Variants in PRDM5 observed in about 807,000 individuals in gnomAD.
PRDM5 encodes the protein PR domain zinc finger protein 5.
Under a neutral mutation model 81.2 loss-of-function variants are expected in PRDM5, and 56 were observed. That is an observed-to-expected ratio of 0.69 (90% CI 0.56 to 0.86). The LOEUF is 0.86. PRDM5 is among the 40% of genes least tolerant of loss of function. The pLI, the probability that PRDM5 is intolerant of heterozygous loss-of-function variation, is 0.00. For missense variants in PRDM5, 697 were observed against 770.1 expected, an observed-to-expected ratio of 0.91 and a Z score of 1.12; for synonymous variants, 267 against 256.4, an observed-to-expected ratio of 1.04 and a Z score of -0.39.
intron 14 of PRDM5, among the ~76,000 whole-genome samples, chr4:120,728,450 C>CAT (rs904988419): frequency 1.3e-5 from 2 of 151,830 alleles, no homozygotes; most frequent in African/African-American, 4.8e-5. Context: ...TGTATATATA[C>CAT]ATATATATAT....
intron 2 of PRDM5, among the ~76,000 whole-genome samples, chr4:120,882,368 G>A (rs1344381577): frequency 2.0e-5 from 3 of 152,184 alleles, no homozygotes; most frequent in South Asian, 2.1e-4. Flanking sequence ...GGCTGGTTTC[G>A]AACTCCTGAC....
At chr4:120,870,639 G>A (rs897654128) in intron 2 of PRDM5, among the ~76,000 whole-genome samples, 1 of 152,198 alleles carries the variant, frequency 6.6e-6, no homozygotes, top group Non-Finnish European at 1.5e-5. Context: ...AAAGGCACAT[G>A]TGTGAGTGTG....
intron 14 of PRDM5, among the ~76,000 whole-genome samples, chr4:120,748,334 G>C (rs1743451438): frequency 6.6e-6 from 1 of 152,150 alleles, no homozygotes; most frequent in Non-Finnish European, 1.5e-5. Context: ...TTGGTTTAAA[G>C]CTACAATGTG....
chr4:120,815,330 G>A (rs1174471693), intron 7 of PRDM5, among the ~76,000 whole-genome samples: 1 of 152,132 alleles, frequency 6.6e-6, no homozygotes, highest in African/African-American at 2.4e-5. Flanking sequence ...TTCTTCAAAA[G>A]GAAAGAAAGA....
chr4:120,789,637 G>C (rs1392913641), intron 10 of PRDM5, among the ~76,000 whole-genome samples: 1 of 152,060 alleles, frequency 6.6e-6, no homozygotes, highest in Non-Finnish European at 1.5e-5. Flanking sequence ...ATCCCAGTGG[G>C]CCACACAATA....
At position 120,798,244 on chromosome 4, in the gene PRDM5, ATAATAATAT is replaced by A. The variant is rs1457614547; in HGVS notation, c.1188+14_1188+22del. On this transcript the variant is annotated intron_variant, in intron 10 of 15. Transcript: ENST00000264808. ...CACAGCAGCAAATTCATAAAAAATA[ATAATAATAT>A]TAATAAGTTTTACCTTCTTATGATT... The A allele has an allele frequency of 3.8e-5, 56 of 1,458,108 alleles. No individual in the cohort carries two copies. Among genetic ancestry groups the A allele is most frequent in the Non-Finnish European group, 5.0e-5 (54 of 1,088,540 alleles). 90.3% of individuals were successfully genotyped at this position (1,458,108 alleles called of 1,614,324 possible).
intron 14 of PRDM5, among the ~76,000 whole-genome samples, chr4:120,746,010 T>C (rs1457129221): frequency 3.1e-4 from 47 of 149,324 alleles, no homozygotes; most frequent in East Asian, 1.8e-3. Context: ...GCTGGAGGCA[T>C]CACACTACCT....
intron 15 of PRDM5, among the ~76,000 whole-genome samples, chr4:120,698,796 T>A (rs1172322931): frequency 6.6e-6 from 1 of 152,038 alleles, no homozygotes; most frequent in Non-Finnish European, 1.5e-5. Flanking sequence ...ATTACAAAGT[T>A]CCACCGGTTC....
At chr4:120,716,492 C>T (rs11732180) in intron 14 of PRDM5, among the ~76,000 whole-genome samples, 33,313 of 152,130 alleles carry the variant, frequency 0.22, 3,901 homozygotes, top group Non-Finnish European at 0.28. Flanking sequence ...CACGAGCATA[C>T]TTCTATGTTA....
intron 3 of PRDM5, among the ~76,000 whole-genome samples, chr4:120,845,039 T>C (rs1384771899): frequency 6.6e-6 from 1 of 152,224 alleles, no homozygotes; most frequent in Non-Finnish European, 1.5e-5. Context: ...TATTCAATTC[T>C]GTGAAGGCTG....
At chr4:120,837,754 G>T (rs1050842932) in intron 3 of PRDM5, 2 of 152,196 alleles carry the variant, frequency 1.3e-5, no homozygotes, top group Non-Finnish European at 2.9e-5. Context: ...ACATTCTACT[G>T]CTTGGAGAAG....
intron 14 of PRDM5, among the ~76,000 whole-genome samples, chr4:120,713,715 C>G (rs945372988): frequency 6.6e-6 from 1 of 152,162 alleles, no homozygotes; most frequent in Non-Finnish European, 1.5e-5. Context: ...ACACTTAGAG[C>G]AGTATTTTAT....
In PRDM5 at chr4:120,694,905, AT is replaced by A. The variant is rs747723870; in HGVS notation, c.*205del. 2.1e-4 allele frequency: 123 copies of A among 582,612 alleles called. 1 individual carries two copies. Among genetic ancestry groups the A allele is most frequent in the Non-Finnish European group, 3.4e-4 (113 of 332,204 alleles). The allele number at this position is 582,612 out of a possible 1,614,324, so 36.1% of individuals were successfully genotyped here. A position where few individuals can be genotyped will look rare whatever the true frequency, so the allele number is the denominator to read the frequency against. ...GCATTTTGCAAGGCTATGGAGTTGT[AT>A]TTTTTTTCCATTTATACCATTTCTT... On this transcript the variant is annotated 3_prime_UTR_variant, in exon 16 of 16. Coordinates refer to ENST00000264808, the MANE Select transcript of PRDM5 (RefSeq NM_018699.4).
intron 2 of PRDM5, among the ~76,000 whole-genome samples, chr4:120,905,286 A>C (rs1039737563): frequency 1.3e-5 from 2 of 152,228 alleles, no homozygotes; most frequent in African/African-American, 4.8e-5. Context: ...GGTGATGCTT[A>C]AAAATGCATT....
At chr4:120,707,499 C>T (rs1298465632) in intron 15 of PRDM5, among the ~76,000 whole-genome samples, 1 of 150,622 alleles carries the variant, frequency 6.6e-6, no homozygotes, top group Admixed American at 6.6e-5. Flanking sequence ...AAAAAGAATG[C>T]AAAGAATAGA....
downstream of PRDM5, among the ~76,000 whole-genome samples, chr4:120,689,410 CT>C (rs554118986): frequency 1.6e-4 from 24 of 149,102 alleles, no homozygotes; most frequent in Admixed American, 3.4e-4. Flanking sequence ...GCTTTATATT[CT>C]TTTTTTTTTC....
chr4:120,784,081 C>T (rs1238192832), intron 11 of PRDM5, among the ~76,000 whole-genome samples: 2 of 152,076 alleles, frequency 1.3e-5, no homozygotes, highest in African/African-American at 4.8e-5. Flanking sequence ...ACCCATGGTA[C>T]ACAATTTTTC....
intron 3 of PRDM5, among the ~76,000 whole-genome samples, chr4:120,824,777 A>G (rs774591101): frequency 1.3e-5 from 2 of 152,176 alleles, no homozygotes; most frequent in African/African-American, 4.8e-5. Flanking sequence ...ATCTCTAACA[A>G]TTGGTTTTAA....
chr4:120,787,201 G>A (rs1421066383), intron 10 of PRDM5, among the ~76,000 whole-genome samples: 1 of 152,158 alleles, frequency 6.6e-6, no homozygotes, highest in Non-Finnish European at 1.5e-5. Flanking sequence ...GATAAGATCT[G>A]ATGGATATGA....
Sources: allele counts gnomAD v4.1 joint callset (sites outside exome capture counted in the v4.1 genomes callset), GRCh38; gene constraint gnomAD v4.1.1; transcripts MANE v1.5; gene names NCBI Gene and HGNC (gene_info 2026-07-23, HGNC 2026-07-21).